COL4A4: variants seen among roughly 807,000 people sequenced by gnomAD.
COL4A4 encodes collagen alpha-4(IV) chain.
In COL4A4, 105 loss-of-function variants were observed where a neutral mutation model predicts 192.9. That is an observed-to-expected ratio of 0.54 (90% CI 0.46 to 0.64). The LOEUF is 0.64. Among genes scored for constraint, COL4A4 ranks in the 30% least tolerant of loss-of-function variants. The probability of loss-of-function intolerance (pLI) is 0.00; values close to 1 mark genes in which losing one functional copy is unlikely to be tolerated. For synonymous variants in COL4A4, 762 were observed against 769.9 expected (o/e 0.99, Z 0.17); for missense variants, 1,967 against 2,169.3 (o/e 0.91, Z 1.85).
chr2:226,976,363 G>T, the COL4A4 span, among the ~76,000 whole-genome samples: 1 of 150,940 alleles, frequency 6.6e-6, no homozygotes, highest in African/African-American at 2.4e-5. Flanking sequence ...TCCAAGTCGA[G>T]ACGTCTGCTT....
chr2:227,147,723 TA>T (rs1246408444), intron 1 of COL4A4, 139 bp from the exon 2 acceptor site: 1 of 402,484 alleles, frequency 2.5e-6, no homozygotes, highest in Non-Finnish European at 4.6e-6. Context: ...TGAAACTGAA[TA>T]AATATCAGTT....
chr2:227,022,516 T>C (rs1431889059), intron 43 of COL4A4: 1 of 557,546 alleles, frequency 1.8e-6, no homozygotes. Flanking sequence ...TCTGGGCCAT[T>C]TTTTACTGGA....
rs780173035 is a variant in COL4A4, at chr2:227,123,607, G to T, written c.193-2459C>A. Among the ~76,000 whole-genome samples the T allele has an allele frequency of 1.3e-5, 2 of 152,192 alleles. No individual in the cohort carries two copies. The highest frequency in any genetic ancestry group is 2.9e-5 in the Non-Finnish European group (2 of 68,032). On this transcript the variant is annotated intron_variant, in intron 4 of 47. Coordinates refer to ENST00000396625, the MANE Select transcript of COL4A4 (RefSeq NM_000092.5). This position sits in a 1 kb window ranked among gnomAD's most constrained non-coding sequence, Gnocchi z 4.6. ...CCCGCCCTAGGGGAAGGGAGTGGGG[G>T]TATTTATCTCCTTGGCTGAGGGCCC...
rs1426912912 is a variant in COL4A4, at chr2:227,118,700, C to T, written c.434G>A (p.Arg145Lys). The T allele has an allele frequency of 6.2e-7, 1 of 1,614,088 alleles. No homozygotes were observed. Among genetic ancestry groups the T allele is most frequent in the Non-Finnish European group, 8.5e-7 (1 of 1,180,030 alleles). Residue 145 changes from arginine to lysine, a missense_variant, in exon 7 of 48, where the codon AGA (arginine) becomes AAA (lysine). Physicochemically the swap from Arg to Lys is conservative, Grantham distance 26. Transcript: ENST00000396625. ...KPGMSGHNGS[R>K]GDPGFPGGRG... ...TCCTCCTGGAAACCCTGGGTCACCTCTTGAGCCATTGTGGCCACTCATACC... is the reference window on the plus strand; with the variant it reads ...TCCTCCTGGAAACCCTGGGTCACCTTTTGAGCCATTGTGGCCACTCATACC...
intron 4 of COL4A4, among the ~76,000 whole-genome samples, chr2:227,121,972 G>A (rs2061824248): frequency 6.6e-6 from 1 of 152,186 alleles, no homozygotes; most frequent in Admixed American, 6.5e-5. Flanking sequence ...TGATTTGCCT[G>A]CCCTTTCGAA....
chr2:227,002,030 GC>G (rs1357501151), downstream of COL4A4, among the ~76,000 whole-genome samples: 2 of 151,900 alleles, frequency 1.3e-5, no homozygotes, highest in Non-Finnish European at 2.9e-5. Context: ...AATTAACCAG[GC>G]ACAGTAGCAC....
intron 9 of COL4A4, among the ~76,000 whole-genome samples, chr2:227,109,911 CT>C (rs1443984334): frequency 2.0e-5 from 3 of 152,134 alleles, no homozygotes; most frequent in African/African-American, 7.2e-5. Flanking sequence ...CTACCTACTC[CT>C]AAATTCTGTT....
At chr2:226,985,535 T>C in the COL4A4 span, among the ~76,000 whole-genome samples, 1 of 152,234 alleles carries the variant, frequency 6.6e-6, no homozygotes, top group African/African-American at 2.4e-5. Context: ...CTGGCAGATA[T>C]AAATACCAGA....
At chr2:227,138,906 T>C (rs1293167631) in intron 4 of COL4A4, among the ~76,000 whole-genome samples, 1 of 152,214 alleles carries the variant, frequency 6.6e-6, no homozygotes, top group African/African-American at 2.4e-5. Context: ...TGTACTGTGC[T>C]TTTTGAATGT....
At chr2:226,991,739 C>G in the COL4A4 span, among the ~76,000 whole-genome samples, 1 of 152,162 alleles carries the variant, frequency 6.6e-6, no homozygotes, top group Non-Finnish European at 1.5e-5. Flanking sequence ...AGCCTACTTG[C>G]TCAAGGTTGT....
the COL4A4 span, among the ~76,000 whole-genome samples, chr2:226,974,065 C>G: frequency 6.6e-6 from 1 of 152,036 alleles, no homozygotes; most frequent in South Asian, 2.1e-4. Flanking sequence ...GACAGATGGC[C>G]GGCGTTTGTC....
chr2:227,043,616 CTT>C (rs1162989620), intron 35 of COL4A4, among the ~76,000 whole-genome samples: 17 of 152,098 alleles, frequency 1.1e-4, no homozygotes, highest in African/African-American at 4.1e-4. Context: ...CTTTATATCT[CTT>C]GTCAATTTTG....
chr2:227,016,830 G>A (rs1054923689), intron 44 of COL4A4, among the ~76,000 whole-genome samples: 1 of 152,176 alleles, frequency 6.6e-6, no homozygotes, highest in Non-Finnish European at 1.5e-5. Context: ...ATTTCAGAGT[G>A]TCCTGGACTG....
chr2:226,975,372 C>T, the COL4A4 span, among the ~76,000 whole-genome samples: 21 of 152,174 alleles, frequency 1.4e-4, no homozygotes, highest in African/African-American at 4.3e-4. Flanking sequence ...GTCAATTAGA[C>T]CTCAATAAAG....
intron 3 of COL4A4, among the ~76,000 whole-genome samples, chr2:227,142,338 C>T (rs1450402816): frequency 1.3e-5 from 2 of 152,076 alleles, no homozygotes; most frequent in African/African-American, 2.4e-5. Context: ...AAAGTACGAA[C>T]GACATTCACT....
chr2:227,060,725 AT>A (rs11458771), intron 26 of COL4A4, among the ~76,000 whole-genome samples: 2,347 of 139,024 alleles, frequency 0.017, 21 homozygotes, highest in Middle Eastern at 0.027. Context: ...GTAATAGAGA[AT>A]TTTTTTTTTT....
At chr2:227,148,197 G>C (rs1159989794) in intron 1 of COL4A4, among the ~76,000 whole-genome samples, 1 of 152,138 alleles carries the variant, frequency 6.6e-6, no homozygotes, top group East Asian at 1.9e-4. Context: ...ACATAAACTT[G>C]CACATGAATA....
intron 3 of COL4A4, among the ~76,000 whole-genome samples, chr2:227,142,691 G>A (rs2063299833): frequency 1.3e-5 from 2 of 151,742 alleles, no homozygotes; most frequent in African/African-American, 4.8e-5. Context: ...GGGAGGCAGA[G>A]GTGGCAGTGA....
chr2:227,028,111 T>A, intron 41 of COL4A4, 102 bp from the exon 42 acceptor site: 1 of 852,358 alleles, frequency 1.2e-6, no homozygotes, highest in South Asian at 1.5e-5. Flanking sequence ...TCCAACAAAA[T>A]GCAGGGCATA....
Sources: gnomAD v4.1 joint callset for allele counts (sites outside exome capture counted in the v4.1 genomes callset) on GRCh38, gnomAD v4.1.1 for gene constraint, Gnocchi (gnomAD v3.1) non-coding constraint, MANE v1.5 for transcripts, NCBI Gene and HGNC (gene_info 2026-07-23, HGNC 2026-07-21) for gene names.